TJP1: variants seen among roughly 807,000 people sequenced by gnomAD.
The protein encoded by TJP1 is tight junction protein ZO-1.
Under a neutral mutation model 194.2 loss-of-function variants are expected in TJP1, and 43 were observed. That is an observed-to-expected ratio of 0.22 (90% CI 0.17 to 0.29). The LOEUF is 0.29. TJP1 is among the 10% of genes least tolerant of loss of function. TJP1 has a pLI of 1.00. For missense variants in TJP1, 1,971 were observed against 2,185.7 expected, an observed-to-expected ratio of 0.90 and a Z score of 1.96; for synonymous variants, 801 against 779.0, an observed-to-expected ratio of 1.03 and a Z score of -0.47.
chr15:29,825,157 C>T (rs2050639162), upstream of TJP1, among the ~76,000 whole-genome samples: 1 of 152,066 alleles, frequency 6.6e-6, no homozygotes. Flanking sequence ...TAGGTAGGTG[C>T]TTTGACAACA....
downstream of TJP1, chr15:29,700,039 C>T (rs562445175): frequency 3.9e-5 from 14 of 355,810 alleles, no homozygotes; most frequent in Non-Finnish European, 5.5e-5. Flanking sequence ...CAACACCAGA[C>T]GACGAGGTGG....
At chr15:29,905,785 GAT>G (rs1202304462) in intron 2 of TJP1, among the ~76,000 whole-genome samples, 1 of 152,230 alleles carries the variant, frequency 6.6e-6, no homozygotes, top group Non-Finnish European at 1.5e-5. Context: ...GATATTGTAT[GAT>G]TCCAACTATC....
intron 1 of TJP1, among the ~76,000 whole-genome samples, chr15:29,819,937 A>G (rs1009734269): frequency 6.6e-6 from 1 of 152,212 alleles, no homozygotes; most frequent in Non-Finnish European, 1.5e-5. Flanking sequence ...ATACAGTAAT[A>G]TATGTGTACA....
intron 2 of TJP1, among the ~76,000 whole-genome samples, chr15:29,872,832 G>T (rs1437406077): frequency 6.6e-6 from 1 of 152,128 alleles, no homozygotes; most frequent in Non-Finnish European, 1.5e-5. Flanking sequence ...CGTGCGGCAC[G>T]TCCACTCTGA....
At chr15:29,887,961 C>T (rs2053175643) in intron 2 of TJP1, among the ~76,000 whole-genome samples, 1 of 151,918 alleles carries the variant, frequency 6.6e-6, no homozygotes, top group African/African-American at 2.4e-5. Context: ...GGAATCTAGC[C>T]TAAGGAAACA....
chr15:29,779,693 T>C (rs901138313), intron 2 of TJP1, among the ~76,000 whole-genome samples: 1 of 152,186 alleles, frequency 6.6e-6, no homozygotes, highest in African/African-American at 2.4e-5. Context: ...GACTCTTTTT[T>C]TAAACTAGCC....
At chr15:29,958,325 G>T (rs2056024594) in intron 1 of TJP1, among the ~76,000 whole-genome samples, 1 of 150,100 alleles carries the variant, frequency 6.7e-6, no homozygotes, top group African/African-American at 2.5e-5. Context: ...CTTTAACTCT[G>T]GATAAGTAGC....
intron 8 of TJP1, among the ~76,000 whole-genome samples, chr15:29,752,932 C>T (rs1043870650): frequency 6.6e-6 from 1 of 152,040 alleles, no homozygotes; most frequent in Non-Finnish European, 1.5e-5. Context: ...GAGCAGTACA[C>T]GCTTTGCCTT....
At chr15:29,754,368 G>C (rs967910327) in intron 8 of TJP1, among the ~76,000 whole-genome samples, 13 of 152,164 alleles carry the variant, frequency 8.5e-5, no homozygotes, top group Non-Finnish European at 1.6e-4. Context: ...GGGTCTACTT[G>C]AGGGGGGAGG....
At chr15:29,830,384 A>T (rs2152043405) in intron 2 of TJP1, among the ~76,000 whole-genome samples, 1 of 150,150 alleles carries the variant, frequency 6.7e-6, no homozygotes, top group South Asian at 2.1e-4. Flanking sequence ...AATATATATT[A>T]GTACATTTTA....
rs956117214 is a variant in TJP1, at chr15:29,761,735, G to C, written c.728C>G (p.Thr243Arg). The C allele has an allele frequency of 1.3e-6, 2 of 1,582,008 alleles. No individual in the cohort carries two copies. Among genetic ancestry groups the C allele is most frequent in the East Asian group, 2.3e-5 (1 of 44,164 alleles). The change falls in exon 7 of 28, where the codon ACA becomes AGA. Residue 243 changes from threonine to arginine, a missense_variant. Around this residue, in one of 5 missense-constraint regions of TJP1, gnomAD observed 245 missense variants for 336.6 expected, o/e 0.73. Transcript: ENST00000614355. ...CCTTTCTATCAATGTCTTTGCATCT[G>C]TCAATGACATATTTTCTGTCACAGT... ...NGTVTENMSL[T>R]DAKTLIERSK...
chr15:29,705,814 T>C (rs1171648544), intron 25 of TJP1, 69 bp from the exon 26 acceptor site: 4 of 1,311,884 alleles, frequency 3.0e-6, no homozygotes, highest in East Asian at 2.3e-5. Context: ...TTACTACTAC[T>C]GTATTACGTG....
chr15:29,755,687 T>C (rs1286441963), intron 8 of TJP1, among the ~76,000 whole-genome samples: 1 of 152,200 alleles, frequency 6.6e-6, no homozygotes, highest in Admixed American at 6.5e-5. Context: ...ATTTGCTAAA[T>C]ATAAACTGGA....
At chr15:29,747,263 C>A (rs1325460504) in intron 8 of TJP1, among the ~76,000 whole-genome samples, 1 of 152,100 alleles carries the variant, frequency 6.6e-6, no homozygotes, top group Non-Finnish European at 1.5e-5. Flanking sequence ...CCAGCCTGGG[C>A]AAGACAGCGA....
At chr15:29,765,900 AAAC>A (rs140295014) in intron 5 of TJP1, among the ~76,000 whole-genome samples, 3,668 of 152,154 alleles carry the variant, frequency 0.024, 141 homozygotes, top group African/African-American at 0.084. Flanking sequence ...ACAACAACAA[AAAC>A]AACAACAACA....
intron 2 of TJP1, among the ~76,000 whole-genome samples, chr15:29,949,128 C>A (rs2055400136): frequency 6.7e-6 from 1 of 148,190 alleles, no homozygotes; most frequent in Non-Finnish European, 1.5e-5. Flanking sequence ...ACAACCACCA[C>A]CTCCACCTCC....
chr15:29,860,140 G>A (rs2052019136), intron 2 of TJP1, among the ~76,000 whole-genome samples: 1 of 152,164 alleles, frequency 6.6e-6, no homozygotes, highest in African/African-American at 2.4e-5. Flanking sequence ...GTTTTTGGTG[G>A]ATTGTCTGGG....
intron 2 of TJP1, among the ~76,000 whole-genome samples, chr15:29,845,686 C>T (rs1284643763): frequency 6.6e-6 from 1 of 151,918 alleles, no homozygotes; most frequent in African/African-American, 2.4e-5. Context: ...GCGCCTGTAG[C>T]CCCAGCTGTC....
chr15:29,843,181 CT>C (rs1217215557), intron 2 of TJP1, among the ~76,000 whole-genome samples: 1 of 146,770 alleles, frequency 6.8e-6, no homozygotes, highest in Non-Finnish European at 1.5e-5. Flanking sequence ...TTTCTTTTTT[CT>C]TTTCTTTTTT....
Sources: gnomAD v4.1 joint callset for allele counts (sites outside exome capture counted in the v4.1 genomes callset) on GRCh38, gnomAD v4.1.1 for gene constraint, gnomAD v4.1.1 regional missense constraint, MANE v1.5 for transcripts, NCBI Gene and HGNC (gene_info 2026-07-23, HGNC 2026-07-21) for gene names.